NR6A1: variants seen among roughly 807,000 people sequenced by gnomAD.
The protein encoded by NR6A1 is retinoic acid receptor-related testis-associated receptor.
In NR6A1, 7 loss-of-function variants were observed where a neutral mutation model predicts 59.1. That is an observed-to-expected ratio of 0.12 (90% confidence interval 0.07 to 0.22). NR6A1 has a LOEUF of 0.22. Among genes scored for constraint, NR6A1 ranks in the 10% least tolerant of loss-of-function variants. The pLI is 1.00. For synonymous variants in NR6A1, 243 were observed against 236.1 expected, an observed-to-expected ratio of 1.03 and a Z score of -0.27; for missense variants, 468 against 611.6, an observed-to-expected ratio of 0.77 and a Z score of 2.48.
At chr9:124,568,909 C>A (rs1427222763) in intron 2 of NR6A1, among the ~76,000 whole-genome samples, 1 of 151,742 alleles carries the variant, frequency 6.6e-6, no homozygotes, top group Non-Finnish European at 1.5e-5. Context: ...GTCAGGAGAT[C>A]GAGACCATCC....
At chr9:124,551,264 C>A (rs1477947004) in intron 3 of NR6A1, among the ~76,000 whole-genome samples, 6 of 152,134 alleles carry the variant, frequency 3.9e-5, no homozygotes, top group African/African-American at 1.4e-4. Flanking sequence ...TGGAAATATA[C>A]ATATGTACAC....
chr9:124,529,782 A>G (rs1833044280), intron 7 of NR6A1, among the ~76,000 whole-genome samples: 1 of 152,142 alleles, frequency 6.6e-6, no homozygotes, highest in Admixed American at 6.6e-5. Context: ...GGATGCTAAG[A>G]CTTGCAGGAG....
chr9:124,660,881 C>A (rs945614191), intron 2 of NR6A1, among the ~76,000 whole-genome samples: 8 of 151,920 alleles, frequency 5.3e-5, no homozygotes, highest in Non-Finnish European at 1.2e-4. Flanking sequence ...GAAAGGAGAG[C>A]ATTTTATAAA....
chr9:124,648,616 GA>G (rs1837004887), intron 2 of NR6A1, among the ~76,000 whole-genome samples: 1 of 151,004 alleles, frequency 6.6e-6, no homozygotes, highest in African/African-American at 2.4e-5. Context: ...ACAAGAGAAA[GA>G]AATAAAGGGC....
intron 2 of NR6A1, among the ~76,000 whole-genome samples, chr9:124,627,455 C>T (rs1423215310): frequency 6.6e-6 from 1 of 152,168 alleles, no homozygotes; most frequent in Non-Finnish European, 1.5e-5. Context: ...CACTGGACCA[C>T]AGGAGATTAT....
At chr9:124,681,918 G>C (rs35831762) in intron 2 of NR6A1, among the ~76,000 whole-genome samples, 4,485 of 152,144 alleles carry the variant, frequency 0.029, 97 homozygotes, top group Non-Finnish European at 0.045. Flanking sequence ...TAATAAAATC[G>C]AGTATGAAAA....
intron 2 of NR6A1, among the ~76,000 whole-genome samples, chr9:124,710,497 T>C (rs1350900255): frequency 6.6e-6 from 1 of 152,220 alleles, no homozygotes; most frequent in South Asian, 2.1e-4. Context: ...TTCATTGCAA[T>C]GAGCCTCAGC....
intron 2 of NR6A1, chr9:124,658,663 C>A (rs1837332123): frequency 6.6e-6 from 1 of 152,196 alleles, no homozygotes; most frequent in Non-Finnish European, 1.5e-5. Flanking sequence ...TCTCCCATCA[C>A]CCCCATCCCC....
chr9:124,770,624 G>A (rs1229990495), intron 1 of NR6A1, among the ~76,000 whole-genome samples: 2 of 148,176 alleles, frequency 1.3e-5, no homozygotes, highest in African/African-American at 5.0e-5. Context: ...CCAACCTGAG[G>A]AGCCCGGGGG....
At position 124,517,737 on chromosome 9, in the gene NR6A1, T is replaced by C. The variant is rs117058434; in HGVS notation, c.*4968A>G. On this transcript the variant is annotated 3_prime_UTR_variant, in exon 10 of 10. Transcript: ENST00000487099. ...GGGGGGTGACTAGTCCCTGGCTGGG[T>C]AGGTGGGAAGGAATCCCCAGACACA... 993 of 152,018 alleles carry C rather than the reference T, an allele frequency of 6.5e-3. 4 individuals carry two copies. The highest frequency in any genetic ancestry group is 0.01 in the Middle Eastern group (3 of 294). The allele number at this position is 152,018 out of a possible 1,614,324, so 9.4% of individuals were successfully genotyped here.
At chr9:124,543,980 C>A in intron 3 of NR6A1, 123 bp from the exon 4 acceptor site, 1 of 739,394 alleles carries the variant, frequency 1.4e-6, no homozygotes, top group Non-Finnish European at 2.3e-6. Context: ...CATTAAAACA[C>A]AGGTCCTTCT....
In NR6A1 at chr9:124,615,294, A is replaced by C. The variant is rs143421074; in HGVS notation, c.143-60724T>G. 2.9e-4 allele frequency among the ~76,000 whole-genome samples: 44 copies of C among 152,344 alleles called. No homozygotes were observed. In the East Asian group the frequency reaches 7.1e-3, roughly 25 times the overall value. On this transcript the variant is annotated intron_variant, in intron 2 of 9. Coordinates refer to ENST00000487099, the MANE Select transcript of NR6A1 (RefSeq NM_033334.4). ...TTCACAACTAGTCATAATGATTTGA[A>C]AATCAACACTCAGCAAAATGATAAT...
chr9:124,623,878 C>T (rs1836155609), intron 2 of NR6A1, among the ~76,000 whole-genome samples: 3 of 152,208 alleles, frequency 2.0e-5, no homozygotes, highest in Admixed American at 2.0e-4. Flanking sequence ...ACATAAGCCT[C>T]CTCCCCTTTC....
intron 9 of NR6A1, among the ~76,000 whole-genome samples, chr9:124,524,452 A>G (rs1424549328): frequency 6.6e-6 from 1 of 152,244 alleles, no homozygotes; most frequent in Non-Finnish European, 1.5e-5. Flanking sequence ...TAATATTGCC[A>G]ACCACCAGCG....
At chr9:124,546,513 T>C (rs746854728) in intron 3 of NR6A1, among the ~76,000 whole-genome samples, 14 of 152,208 alleles carry the variant, frequency 9.2e-5, no homozygotes, top group Non-Finnish European at 1.5e-4. Flanking sequence ...ATGTTAACAA[T>C]TGGTGAATTT....
chr9:124,527,335 T>C (rs1398658679), intron 7 of NR6A1, among the ~76,000 whole-genome samples: 1 of 152,216 alleles, frequency 6.6e-6, no homozygotes, highest in East Asian at 1.9e-4. Context: ...GCTGCCATGG[T>C]GACTCTATGT....
chr9:124,618,393 G>GA (rs1835962051), intron 2 of NR6A1, among the ~76,000 whole-genome samples: 1 of 152,136 alleles, frequency 6.6e-6, no homozygotes, highest in Non-Finnish European at 1.5e-5. Context: ...TGCGGCAGGA[G>GA]AATCACTTGA....
At chr9:124,644,313 C>T (rs117671810) in intron 2 of NR6A1, among the ~76,000 whole-genome samples, 356 of 111,898 alleles carry the variant, frequency 3.2e-3, no homozygotes, top group Non-Finnish European at 4.6e-3. Flanking sequence ...CGCTCTATTG[C>T]CATGCTGGAG....
intron 1 of NR6A1, among the ~76,000 whole-genome samples, chr9:124,736,533 C>T (rs72763309): frequency 0.053 from 8,002 of 152,134 alleles, 286 homozygotes; most frequent in Middle Eastern, 0.092. Flanking sequence ...CAGCACCTAC[C>T]TTATGGGGAT....
Sources: allele counts gnomAD v4.1 joint callset (sites outside exome capture counted in the v4.1 genomes callset), GRCh38; gene constraint gnomAD v4.1.1; transcripts MANE v1.5; gene names NCBI Gene and HGNC (gene_info 2026-07-23, HGNC 2026-07-21).